Variants in KCNIP4 observed in about 807,000 individuals in gnomAD.
The protein encoded by KCNIP4 is potassium voltage-gated channel interacting protein 4.
Under a neutral mutation model 34.0 loss-of-function variants are expected in KCNIP4, and 12 were observed. That is an observed-to-expected ratio of 0.35 (90% CI 0.23 to 0.57). The LOEUF (loss-of-function observed/expected upper bound fraction) is 0.57. Among genes scored for constraint, KCNIP4 ranks in the 20% least tolerant of loss-of-function variants. KCNIP4 has a pLI of 0.83. For synonymous variants in KCNIP4, 124 were observed against 102.2 expected (o/e 1.21, Z -1.29); for missense variants, 238 against 311.7 (o/e 0.76, Z 1.78).
At chr4:20,789,168 G>T (rs1425903049) in intron 3 of KCNIP4, among the ~76,000 whole-genome samples, 1 of 152,058 alleles carries the variant, frequency 6.6e-6, no homozygotes, top group African/African-American at 2.4e-5. Context: ...TTCCCATAAG[G>T]TTTATTTCTA....
At chr4:21,719,198 AAAGT>A (rs1577898237) in intron 1 of KCNIP4, among the ~76,000 whole-genome samples, 2 of 152,202 alleles carry the variant, frequency 1.3e-5, no homozygotes, top group African/African-American at 2.4e-5. Context: ...TATAAGACAG[AAAGT>A]AAGTAAGGAG....
chr4:21,648,674 C>G (rs919138405), intron 1 of KCNIP4, among the ~76,000 whole-genome samples: 7 of 152,082 alleles, frequency 4.6e-5, no homozygotes, highest in African/African-American at 1.4e-4. Flanking sequence ...AATTATTTGC[C>G]AAAATTTTCA....
chr4:21,651,543 C>A (rs1198332261), intron 1 of KCNIP4, among the ~76,000 whole-genome samples: 1 of 152,192 alleles, frequency 6.6e-6, no homozygotes, highest in Non-Finnish European at 1.5e-5. Context: ...ACCTTGTGTG[C>A]AATTGGGTGA....
intron 1 of KCNIP4, among the ~76,000 whole-genome samples, chr4:21,053,338 G>T (rs372111016): frequency 6.6e-6 from 1 of 152,084 alleles, no homozygotes; most frequent in Non-Finnish European, 1.5e-5. Context: ...ACATGTAAAA[G>T]AATATAGAGC....
chr4:21,786,297 A>G (rs1719908974), intron 1 of KCNIP4, among the ~76,000 whole-genome samples: 1 of 152,086 alleles, frequency 6.6e-6, no homozygotes, highest in Non-Finnish European at 1.5e-5. Flanking sequence ...GTCATATGGT[A>G]ACTACATGTT....
chr4:21,548,111 T>C (rs963358604), intron 1 of KCNIP4, among the ~76,000 whole-genome samples: 11 of 152,102 alleles, frequency 7.2e-5, no homozygotes, highest in African/African-American at 2.4e-4. Context: ...AGTGAAAACA[T>C]AATATGTTCA....
chr4:21,354,921 A>G (rs1461122032), intron 1 of KCNIP4, among the ~76,000 whole-genome samples: 2 of 152,314 alleles, frequency 1.3e-5, no homozygotes, highest in East Asian at 1.9e-4. Flanking sequence ...CAGCAAATGT[A>G]AAAGAACAGA....
chr4:21,392,185 C>T (rs1722623677), intron 1 of KCNIP4, among the ~76,000 whole-genome samples: 1 of 152,230 alleles, frequency 6.6e-6, no homozygotes, highest in Non-Finnish European at 1.5e-5. Context: ...CACTTCCCAG[C>T]TATCTGCCAT....
chr4:20,859,092 C>T (rs1721921243), intron 2 of KCNIP4, among the ~76,000 whole-genome samples: 1 of 152,106 alleles, frequency 6.6e-6, no homozygotes. Flanking sequence ...AATTTCTTTC[C>T]AGGGAAAATA....
intron 1 of KCNIP4, among the ~76,000 whole-genome samples, chr4:21,028,430 A>G (rs1006053807): frequency 3.9e-5 from 6 of 152,202 alleles, no homozygotes; most frequent in Non-Finnish European, 8.8e-5. Context: ...TCTGGCTTCC[A>G]TATTCCTCTG....
chr4:21,490,203 G>C (rs1005004619), intron 1 of KCNIP4, among the ~76,000 whole-genome samples: 1 of 152,072 alleles, frequency 6.6e-6, no homozygotes, highest in Non-Finnish European at 1.5e-5. Context: ...GGAACATTGG[G>C]AAAGTCGTTT....
intron 3 of KCNIP4, among the ~76,000 whole-genome samples, chr4:20,759,887 C>T (rs974472286): frequency 6.6e-5 from 10 of 152,026 alleles, no homozygotes; most frequent in African/African-American, 1.9e-4. Context: ...CCTTGTTATC[C>T]TTGGGGCATT....
chr4:21,242,401 G>GT (rs1049750331), intron 1 of KCNIP4, among the ~76,000 whole-genome samples: 2 of 152,084 alleles, frequency 1.3e-5, no homozygotes, highest in African/African-American at 4.8e-5. Flanking sequence ...CTTATCAGCG[G>GT]TAAGATAAGG....
intron 1 of KCNIP4, among the ~76,000 whole-genome samples, chr4:21,595,708 A>G (rs1276027219): frequency 6.6e-6 from 1 of 152,052 alleles, no homozygotes; most frequent in Non-Finnish European, 1.5e-5. Context: ...GTATCTCACT[A>G]TAGTTTATGC....
At chr4:21,267,427 A>G (rs1015462159) in intron 1 of KCNIP4, among the ~76,000 whole-genome samples, 15 of 151,286 alleles carry the variant, frequency 9.9e-5, no homozygotes, top group Admixed American at 8.6e-4. Flanking sequence ...GTCTTGTGCC[A>G]GTTTTCAAAG....
At chr4:21,233,659 C>T (rs986520607) in intron 1 of KCNIP4, among the ~76,000 whole-genome samples, 4 of 151,502 alleles carry the variant, frequency 2.6e-5, no homozygotes, top group Non-Finnish European at 5.9e-5. Flanking sequence ...CATCAAGAAA[C>T]ATTTATAGGA....
chr4:21,023,696 G>A (rs931895125), intron 1 of KCNIP4, among the ~76,000 whole-genome samples: 6 of 151,946 alleles, frequency 3.9e-5, no homozygotes, highest in African/African-American at 1.5e-4. Context: ...TTGAGGCCAG[G>A]AATTTGAGAC....
intron 1 of KCNIP4, among the ~76,000 whole-genome samples, chr4:21,119,520 T>G (rs1041583392): frequency 2.0e-5 from 3 of 150,218 alleles, no homozygotes; most frequent in African/African-American, 7.3e-5. Flanking sequence ...ATTTCTACAA[T>G]TATTCAACAT....
intron 1 of KCNIP4, among the ~76,000 whole-genome samples, chr4:21,029,482 G>A (rs1740825848): frequency 1.3e-5 from 2 of 152,166 alleles, no homozygotes; most frequent in African/African-American, 4.8e-5. Flanking sequence ...CTAAGTTATG[G>A]ACTATTAAAT....
Sources: gnomAD v4.1 joint callset for allele counts (sites outside exome capture counted in the v4.1 genomes callset) on GRCh38, gnomAD v4.1.1 for gene constraint, MANE v1.5 for transcripts, NCBI Gene and HGNC (gene_info 2026-07-23, HGNC 2026-07-21) for gene names.